The following PACS1 variants were observed in gnomAD, a reference collection of about 807,000 sequenced individuals.
The protein encoded by PACS1 is PACS-1.
PACS1 carries 24 observed loss-of-function variants against 115.0 expected under a neutral mutation model. The ratio of observed to expected loss-of-function variants is 0.21; its 90% CI spans 0.15 to 0.29. The LOEUF (loss-of-function observed/expected upper bound fraction) is 0.29. PACS1 is among the 10% of genes least tolerant of loss of function. The probability of loss-of-function intolerance (pLI) is 1.00; values close to 1 mark genes in which losing one functional copy is unlikely to be tolerated. For synonymous variants in PACS1, 453 were observed against 504.5 expected, an observed-to-expected ratio of 0.90 and a Z score of 1.37; for missense variants, 838 against 1,251.2, an observed-to-expected ratio of 0.67 and a Z score of 4.98.
intron 1 of PACS1, among the ~76,000 whole-genome samples, chr11:66,091,003 C>T (rs1003346274): frequency 3.3e-5 from 5 of 152,066 alleles, no homozygotes; most frequent in African/African-American, 1.2e-4. Context: ...AATATGATTT[C>T]TCCACCCCAG....
In PACS1 at chr11:66,233,747, C is replaced by T; in HGVS notation, c.1839-38C>T. The T allele has an allele frequency of 6.3e-7, 1 of 1,587,416 alleles. No individual in the cohort carries two copies. The stretch of plus-strand genomic sequence containing the variant: ...GCCTCCCCCGGGCAGGATCCTGGCA[C>T]CCCTGAGCACTGCTATGACGCTCCC... On this transcript the variant is annotated intron_variant, in intron 15 of 23. Transcript: ENST00000320580. This position sits in a 1 kb window ranked among gnomAD's most constrained non-coding sequence, Gnocchi z 4.5.
intron 1 of PACS1, among the ~76,000 whole-genome samples, chr11:66,176,370 C>T (rs552943897): frequency 1.3e-5 from 2 of 152,086 alleles, no homozygotes; most frequent in East Asian, 3.9e-4. Context: ...ATGTTACTCC[C>T]CTGTCTAAAA....
chr11:66,076,787 G>T (rs1374171674), intron 1 of PACS1, among the ~76,000 whole-genome samples: 3 of 152,222 alleles, frequency 2.0e-5, no homozygotes, highest in Non-Finnish European at 2.9e-5. Flanking sequence ...CACCCATGTT[G>T]TCACATTCCG....
intron 1 of PACS1, among the ~76,000 whole-genome samples, chr11:66,174,106 A>G (rs1859798118): frequency 6.6e-6 from 1 of 152,268 alleles, no homozygotes; most frequent in African/African-American, 2.4e-5. Flanking sequence ...GATATGCCAA[A>G]TAAACACTTG....
At chr11:66,173,724 C>T (rs543350190) in intron 1 of PACS1, among the ~76,000 whole-genome samples, 12 of 151,508 alleles carry the variant, frequency 7.9e-5, no homozygotes, top group African/African-American at 2.9e-4. Flanking sequence ...AGAAAAAGAA[C>T]CTAACACTCA....
chr11:66,144,078 G>T (rs969702549), intron 1 of PACS1, among the ~76,000 whole-genome samples: 1 of 152,206 alleles, frequency 6.6e-6, no homozygotes, highest in East Asian at 1.9e-4. Flanking sequence ...ATTGAAAAAT[G>T]CTTTTAATTT....
chr11:66,199,204 A>T (rs1048728210), intron 2 of PACS1, among the ~76,000 whole-genome samples: 2 of 151,858 alleles, frequency 1.3e-5, no homozygotes, highest in Admixed American at 6.6e-5. Flanking sequence ...AGTCCCAGCT[A>T]CTTGGGAGGC....
At position 66,120,577 on chromosome 11, in the gene PACS1, G is replaced by A. The variant is rs1183137650; in HGVS notation, c.356+49735G>A. On this transcript the variant is annotated intron_variant, in intron 1 of 23. Coordinates refer to ENST00000320580, the MANE Select transcript of PACS1 (RefSeq NM_018026.4). Reference sequence around the variant, plus strand: ...TATCAATGCATAGGAAGCTAGACATGTATTAGATTGTGGTTAAGGGCATAC... The same window carrying A: ...TATCAATGCATAGGAAGCTAGACATATATTAGATTGTGGTTAAGGGCATAC... 1.3e-5 allele frequency among the ~76,000 whole-genome samples: 2 copies of A among 152,200 alleles called. 1 individual carries two copies. Among genetic ancestry groups the A allele is most frequent in the Middle Eastern group, 6.3e-3 (2 of 316 alleles).
chr11:66,136,207 TCA>T (rs1858840309), intron 1 of PACS1, among the ~76,000 whole-genome samples: 1 of 151,144 alleles, frequency 6.6e-6, no homozygotes, highest in African/African-American at 2.5e-5. Context: ...GCTGTTGCTT[TCA>T]GTGTTTGGGG....
intron 1 of PACS1, among the ~76,000 whole-genome samples, chr11:66,090,448 A>T (rs937700041): frequency 6.6e-6 from 1 of 151,206 alleles, no homozygotes; most frequent in East Asian, 1.9e-4. Context: ...AATTTTGTTT[A>T]TTTTTTGTAG....
rs1302557226 is a variant in PACS1, at chr11:66,197,605, G to A, written c.444+4032G>A. 2.0e-5 allele frequency among the ~76,000 whole-genome samples: 3 copies of A among 151,964 alleles called. No individual in the cohort carries two copies. In the East Asian group the frequency reaches 5.8e-4, roughly 29 times the overall value. ...GCCCAAGAGTTCAAGACCATCCTGG[G>A]CAACACAGCAAGACCCCATCTTTAC... On this transcript the variant is annotated intron_variant, in intron 2 of 23. Transcript: ENST00000320580.
At chr11:66,140,855 T>C (rs984981767) in intron 1 of PACS1, among the ~76,000 whole-genome samples, 1 of 152,160 alleles carries the variant, frequency 6.6e-6, no homozygotes, top group Admixed American at 6.5e-5. Context: ...ACCTTGATTT[T>C]GTTTTTTCAT....
In PACS1 at chr11:66,193,567, G is replaced by A. The variant is rs779324162; in HGVS notation, c.438G>A (p.Lys146=). Residue 146 remains lysine, a synonymous_variant, in exon 2 of 24, where the codon AAG becomes AAA. Transcript: ENST00000320580. ...KDLNSVVIAV[K]LQGSKRILRS... is the part of the protein sequence containing the mutation. ...TTAACTCAGTGGTCATCGCTGTGAA[G>A]CTGCAGGTGAGTGGGGCAGGACTGT... The A allele has an allele frequency of 6.2e-7, 1 of 1,612,308 alleles. No homozygotes were observed. Among genetic ancestry groups the A allele is most frequent in the South Asian group, 1.1e-5 (1 of 91,038 alleles).
At chr11:66,071,152 A>C (rs550079141) in intron 1 of PACS1, among the ~76,000 whole-genome samples, 266 of 152,196 alleles carry the variant, frequency 1.7e-3, no homozygotes, top group African/African-American at 6.3e-3. Context: ...TCCCTGAGTA[A>C]GTCACTCTCC....
At chr11:66,181,723 C>T (rs528099587) in intron 1 of PACS1, among the ~76,000 whole-genome samples, 1 of 152,008 alleles carries the variant, frequency 6.6e-6, no homozygotes, top group Admixed American at 6.6e-5. Context: ...TGGCTGGAAC[C>T]TGGATGGTTT....
rs1171455396 is a variant in PACS1 at position 66,230,552 on chromosome 11, T to G, written c.1379T>G (p.Ile460Ser). 3 of 1,612,742 alleles carry G rather than the reference T, an allele frequency of 1.9e-6. No homozygotes were observed. The African/African-American group carries it at 4.0e-5, about 22-fold the overall frequency. Reference sequence around the variant, plus strand: ...GTTTCCTCTCCTCCATGGTAGGAAATCACTGACCAGGACATGTTTGGAGAT... The same window carrying G: ...GTTTCCTCTCCTCCATGGTAGGAAAGCACTGACCAGGACATGTTTGGAGAT... Reference protein sequence around the residue: ...DSLTETDTLEITDQDMFGDAS... With the variant: ...DSLTETDTLESTDQDMFGDAS... The change falls in exon 12 of 24, where the codon ATC (isoleucine) becomes AGC (serine). Residue 460 changes from isoleucine (I) to serine (S), a missense_variant. By Grantham distance (142) the Ile-to-Ser change is moderately radical (BLOSUM62 -2). Around this residue, in one of 6 missense-constraint regions of PACS1, gnomAD observed 383 missense variants for 537.0 expected, o/e 0.71. Coordinates refer to ENST00000320580, the MANE Select transcript of PACS1 (RefSeq NM_018026.4).
intron 1 of PACS1, among the ~76,000 whole-genome samples, chr11:66,081,187 C>T (rs1001682017): frequency 1.3e-5 from 2 of 151,734 alleles, no homozygotes; most frequent in African/African-American, 4.8e-5. Flanking sequence ...GAGCTGTGTT[C>T]GCACTACTGC....
chr11:66,211,325 C>A, intron 4 of PACS1, 66 bp downstream of exon 4: 1 of 1,553,642 alleles, frequency 6.4e-7, no homozygotes, highest in Non-Finnish European at 8.8e-7. Flanking sequence ...CACCCCAGCC[C>A]AGCCAGTTGA....
At chr11:66,199,143 A>T (rs548187208) in intron 2 of PACS1, among the ~76,000 whole-genome samples, 1 of 152,008 alleles carries the variant, frequency 6.6e-6, no homozygotes, top group Non-Finnish European at 1.5e-5. Flanking sequence ...GTGAAACCCC[A>T]TCTCTACTAA....
Sources: gnomAD v4.1 joint callset for allele counts (sites outside exome capture counted in the v4.1 genomes callset) on GRCh38, gnomAD v4.1.1 for gene constraint, gnomAD v4.1.1 regional missense constraint, Gnocchi (gnomAD v3.1) non-coding constraint, MANE v1.5 for transcripts, NCBI Gene and HGNC (gene_info 2026-07-23, HGNC 2026-07-21) for gene names.